The following SLC9A2 variants were observed in gnomAD, a reference collection of about 807,000 sequenced individuals.
SLC9A2 encodes sodium/hydrogen exchanger 2.
A neutral mutation model predicts 71.7 loss-of-function variants in SLC9A2; 42 were observed. The ratio of observed to expected loss-of-function variants is 0.59; its 90% confidence interval spans 0.46 to 0.76. The LOEUF is 0.76. Ranked by LOEUF, SLC9A2 falls within the 30% of genes least tolerant of loss-of-function variation. The pLI is 0.00. For synonymous variants in SLC9A2, 396 were observed against 392.5 expected, an observed-to-expected ratio of 1.01 and a Z score of -0.10; for missense variants, 829 against 1,017.4, an observed-to-expected ratio of 0.81 and a Z score of 2.52.
chr2:102,690,738 A>AT (rs1677642660), intron 5 of SLC9A2, among the ~76,000 whole-genome samples: 2 of 152,328 alleles, frequency 1.3e-5, no homozygotes, highest in South Asian at 4.1e-4. Flanking sequence ...CACTGTTTGC[A>AT]CAACTGCATT....
chr2:102,663,105 C>T (rs192521465), intron 2 of SLC9A2, among the ~76,000 whole-genome samples: 9 of 152,268 alleles, frequency 5.9e-5, no homozygotes, highest in South Asian at 2.1e-4. Context: ...GTGTTGATGC[C>T]GATGAAAACC....
At chr2:102,688,291 G>A (rs904584036) in intron 5 of SLC9A2, among the ~76,000 whole-genome samples, 1 of 152,080 alleles carries the variant, frequency 6.6e-6, no homozygotes, top group African/African-American at 2.4e-5. Flanking sequence ...CCTGCTTTTT[G>A]CAGCCTCTGT....
At chr2:102,693,871 G>A (rs1400519070) in intron 5 of SLC9A2, among the ~76,000 whole-genome samples, 5 of 152,160 alleles carry the variant, frequency 3.3e-5, no homozygotes, top group African/African-American at 4.8e-5. Flanking sequence ...AGTGAAAATC[G>A]TTTTAATAAA....
chr2:102,679,655 G>A (rs188580349), intron 3 of SLC9A2, among the ~76,000 whole-genome samples: 2 of 152,300 alleles, frequency 1.3e-5, no homozygotes, highest in Non-Finnish European at 2.9e-5. Context: ...TGGGACTACA[G>A]GCGTGAGCCA....
intron 9 of SLC9A2, among the ~76,000 whole-genome samples, chr2:102,704,029 T>A (rs1424241240): frequency 1.3e-5 from 2 of 152,230 alleles, no homozygotes; most frequent in African/African-American, 2.4e-5. Flanking sequence ...TGTATTTTAT[T>A]TCCAGATATT....
chr2:102,705,914 G>A lies in SLC9A2; in HGVS notation c.2046G>A (p.Lys682=), dbSNP rs1378404995. The stretch of plus-strand genomic sequence containing the variant: ...CGAAGCTTCCAGAAAAGCTACAAAA[G>A]AGGAGGACTATTTCTATTGCAGGTA... ...KNTKLPEKLQ[K]RRTISIADGN... The change falls in exon 11 of 12, where the codon AAG becomes AAA. Residue 682 remains lysine, a synonymous_variant. Coordinates refer to ENST00000233969, the MANE Select transcript of SLC9A2 (RefSeq NM_003048.6). The A allele has an allele frequency of 6.2e-7, 1 of 1,603,528 alleles. No individual in the cohort carries two copies. The highest frequency in any genetic ancestry group is 8.5e-7 in the Non-Finnish European group (1 of 1,174,130).
rs138218961 is a variant in SLC9A2, at chr2:102,669,648, T to C, written c.1004+4298T>C. Reference sequence around the variant, plus strand: ...TTTTAGAAATTCTTGCCTTGACTCATGTGTTTTGAACTTTATATTCAGGAA... The same window carrying C: ...TTTTAGAAATTCTTGCCTTGACTCACGTGTTTTGAACTTTATATTCAGGAA... On this transcript the variant is annotated intron_variant, in intron 3 of 11. Coordinates refer to ENST00000233969, the MANE Select transcript of SLC9A2 (RefSeq NM_003048.6). 9.2e-3 allele frequency among the ~76,000 whole-genome samples: 1,404 copies of C among 152,378 alleles called. 29 individuals carry two copies. Among genetic ancestry groups the C allele is most frequent in the African/African-American group, 0.033 (1,360 of 41,590 alleles).
At chr2:102,620,260 G>A (rs902511472) in intron 1 of SLC9A2, 123 bp downstream of exon 1, 8 of 777,340 alleles carry the variant, frequency 1.0e-5, no homozygotes, top group East Asian at 9.2e-5. Flanking sequence ...GGGCAGGGAC[G>A]ACAGATGGAG....
Position 102,709,009 on chromosome 2 carries a change from A to G in SLC9A2, c.*520A>G, listed in dbSNP as rs1046537690. The G allele has an allele frequency of 6.4e-4, 99 of 154,854 alleles. No homozygotes were observed. The highest frequency in any genetic ancestry group is 8.3e-4 in the Non-Finnish European group (58 of 69,684). The allele number at this position is 154,854 out of a possible 1,614,324, so 9.6% of individuals were successfully genotyped here. ...GTCCTGACCCGATGGAGCAGCCGGT[A>G]AGTGAAGAGCACAGCTGGAAGCAGA... On this transcript the variant is annotated 3_prime_UTR_variant, in exon 12 of 12. Coordinates refer to ENST00000233969, the MANE Select transcript of SLC9A2 (RefSeq NM_003048.6).
chr2:102,703,543 T>C (rs1677915063), intron 9 of SLC9A2, among the ~76,000 whole-genome samples: 1 of 152,204 alleles, frequency 6.6e-6, no homozygotes, highest in African/African-American at 2.4e-5. Context: ...GAGCTTATAC[T>C]GTACCATGTA....
chr2:102,628,744 T>C (rs1676301682), intron 1 of SLC9A2, among the ~76,000 whole-genome samples: 1 of 152,132 alleles, frequency 6.6e-6, no homozygotes, highest in African/African-American at 2.4e-5. Context: ...AGATAGGTTC[T>C]CACTATGTTG....
chr2:102,701,196 G>T lies in SLC9A2; in HGVS notation c.1713G>T (p.Gly571=). The change falls in exon 8 of 12, where the codon GGG becomes GGT. Residue 571 remains glycine, a synonymous_variant. Coordinates refer to ENST00000233969, the MANE Select transcript of SLC9A2 (RefSeq NM_003048.6). The stretch of plus-strand genomic sequence containing the variant: ...ATGCCATTGAGATGGCAGAGACTGG[G>T]ATGATAAGTACTGTCCCTACATTTG... ...IKHAIEMAET[G]MISTVPTFAS... 1 of 1,610,544 alleles carries T rather than the reference G, an allele frequency of 6.2e-7. No individual in the cohort carries two copies. The highest frequency in any genetic ancestry group is 2.2e-5 in the East Asian group (1 of 44,792).
In SLC9A2 at chr2:102,695,130, C is replaced by T; in HGVS notation, c.1586+17C>T. On this transcript the variant is annotated intron_variant, in intron 7 of 11. Coordinates refer to ENST00000233969, the MANE Select transcript of SLC9A2 (RefSeq NM_003048.6). ...GAGAGACAAGTAAGAAGGTCTTATGCCATTGGGTTATGAAGTGGCCCAGGG... is the reference window on the plus strand; with the variant it reads ...GAGAGACAAGTAAGAAGGTCTTATGTCATTGGGTTATGAAGTGGCCCAGGG... 1 of 1,597,226 alleles carries T rather than the reference C, an allele frequency of 6.3e-7. No homozygotes were observed. The highest frequency in any genetic ancestry group is 1.1e-5 in the South Asian group (1 of 90,608).
At chr2:102,678,876 G>A (rs1208620807) in intron 3 of SLC9A2, among the ~76,000 whole-genome samples, 2 of 152,150 alleles carry the variant, frequency 1.3e-5, no homozygotes, top group South Asian at 2.1e-4. Flanking sequence ...CTATCCCTAA[G>A]AGGCTGTTTT....
intron 1 of SLC9A2, among the ~76,000 whole-genome samples, chr2:102,646,789 A>C (rs911222794): frequency 2.7e-5 from 4 of 148,252 alleles, no homozygotes; most frequent in South Asian, 2.1e-4. Context: ...ATATATATAT[A>C]TCTCCAATAC....
chr2:102,648,978 G>A (rs1183885074), intron 1 of SLC9A2, among the ~76,000 whole-genome samples: 1 of 152,000 alleles, frequency 6.6e-6, no homozygotes, highest in Non-Finnish European at 1.5e-5. Context: ...AACTGAAAAA[G>A]ACTACTTTAA....
At chr2:102,654,686 G>A (rs959047472) in intron 1 of SLC9A2, among the ~76,000 whole-genome samples, 4 of 152,094 alleles carry the variant, frequency 2.6e-5, no homozygotes, top group African/African-American at 4.8e-5. Flanking sequence ...AAGGGGATAC[G>A]TTCTGCAAAA....
At chr2:102,643,174 A>G (rs975156797) in intron 1 of SLC9A2, among the ~76,000 whole-genome samples, 4 of 152,176 alleles carry the variant, frequency 2.6e-5, no homozygotes, top group Non-Finnish European at 4.4e-5. Context: ...GGTGACGTCC[A>G]TGTTCTCTGC....
At chr2:102,638,473 A>G (rs1676512551) in intron 1 of SLC9A2, among the ~76,000 whole-genome samples, 1 of 152,242 alleles carries the variant, frequency 6.6e-6, no homozygotes, top group Non-Finnish European at 1.5e-5. Context: ...CTTGAATAAG[A>G]AGCACAAGCC....
Sources: gnomAD v4.1 joint callset for allele counts (sites outside exome capture counted in the v4.1 genomes callset) on GRCh38, gnomAD v4.1.1 for gene constraint, MANE v1.5 for transcripts, NCBI Gene and HGNC (gene_info 2026-07-23, HGNC 2026-07-21) for gene names.